The following TENM3 variants were observed in gnomAD, a reference collection of about 807,000 sequenced individuals.
The protein encoded by TENM3 is teneurin-3.
In TENM3, 63 loss-of-function variants were observed where a neutral mutation model predicts 255.1. That is an observed-to-expected ratio of 0.25 (90% CI 0.20 to 0.30). The LOEUF is 0.30. TENM3 is among the 10% of genes least tolerant of loss of function. TENM3 has a pLI of 1.00. For synonymous variants in TENM3, 1,306 were observed against 1,322.3 expected (o/e 0.99, Z 0.27); for missense variants, 2,929 against 3,461.1 (o/e 0.85, Z 3.86).
chr4:182,122,681 AT>A, the TENM3 span, among the ~76,000 whole-genome samples: 3 of 152,142 alleles, frequency 2.0e-5, no homozygotes, highest in Non-Finnish European at 2.9e-5. Flanking sequence ...ATTTAGCATA[AT>A]TTTAAGGGCC....
At chr4:181,635,822 G>A in the TENM3 span, among the ~76,000 whole-genome samples, 3 of 152,176 alleles carry the variant, frequency 2.0e-5, no homozygotes, top group Admixed American at 6.5e-5. Flanking sequence ...ATAGGCTTCT[G>A]GAGGGAGACG....
chr4:181,904,122 C>T, the TENM3 span, among the ~76,000 whole-genome samples: 1 of 152,124 alleles, frequency 6.6e-6, no homozygotes, highest in Admixed American at 6.6e-5. Flanking sequence ...TGATACTCTT[C>T]AGTATCAAGA....
chr4:181,742,098 C>T, the TENM3 span, among the ~76,000 whole-genome samples: 2 of 152,120 alleles, frequency 1.3e-5, no homozygotes. Flanking sequence ...TACTCCACTA[C>T]TGTTTGACCT....
At chr4:181,827,453 A>G in the TENM3 span, among the ~76,000 whole-genome samples, 1 of 152,194 alleles carries the variant, frequency 6.6e-6, no homozygotes, top group African/African-American at 2.4e-5. Context: ...GGAGGAGCCT[A>G]AAAGTAGCTC....
chr4:182,044,128 A>G, the TENM3 span, among the ~76,000 whole-genome samples: 1 of 152,240 alleles, frequency 6.6e-6, no homozygotes, highest in Admixed American at 6.5e-5. Context: ...AAATACACAT[A>G]TAAGGATATA....
the TENM3 span, among the ~76,000 whole-genome samples, chr4:181,805,812 T>A: frequency 6.6e-6 from 1 of 152,232 alleles, no homozygotes; most frequent in South Asian, 2.1e-4. Flanking sequence ...TCACCTTATT[T>A]CCTTTCTCTA....
chr4:181,838,298 G>A, the TENM3 span, among the ~76,000 whole-genome samples: 2 of 152,100 alleles, frequency 1.3e-5, no homozygotes, highest in African/African-American at 2.4e-5. Flanking sequence ...GGATCTTCTC[G>A]CCTACATTCA....
chr4:181,685,442 G>A, the TENM3 span, among the ~76,000 whole-genome samples: 1 of 152,058 alleles, frequency 6.6e-6, no homozygotes, highest in Non-Finnish European at 1.5e-5. Flanking sequence ...ACAAAATGTT[G>A]ATATTATTTT....
the TENM3 span, among the ~76,000 whole-genome samples, chr4:182,022,130 T>C: frequency 2.0e-5 from 3 of 149,970 alleles, no homozygotes; most frequent in African/African-American, 7.4e-5. Context: ...AATAAGAAAA[T>C]CATGGAATCA....
intron 2 of TENM3, among the ~76,000 whole-genome samples, chr4:182,325,233 G>C (rs1047652374): frequency 1.3e-5 from 2 of 152,170 alleles, no homozygotes; most frequent in African/African-American, 4.8e-5. Flanking sequence ...CTAACAGTCT[G>C]ATATTGGGCA....
In TENM3 at chr4:182,784,255, T is replaced by C. The variant is rs558221370; in HGVS notation, c.5305-4838T>C. ...TTGGTGTGGATGTCCTTTCTGTTTG[T>C]TAGTTTTCCTTCTAACAGAGAGGAC... On this transcript the variant is annotated intron_variant, in intron 24 of 27. Transcript: ENST00000511685. Among the ~76,000 whole-genome samples, 740 of 152,180 alleles carry C rather than the reference T, an allele frequency of 4.9e-3. 7 individuals carry two copies. The highest frequency in any genetic ancestry group is 0.017 in the African/African-American group (706 of 41,526).
At chr4:182,248,490 A>G (rs777226263) in intron 1 of TENM3, among the ~76,000 whole-genome samples, 16 of 152,052 alleles carry the variant, frequency 1.1e-4, no homozygotes, top group Non-Finnish European at 1.2e-4. Flanking sequence ...TCTGCTGAAA[A>G]GTGATGACAT....
the TENM3 span, among the ~76,000 whole-genome samples, chr4:181,950,567 G>T: frequency 2.0e-5 from 3 of 151,998 alleles, no homozygotes; most frequent in Admixed American, 6.6e-5. Flanking sequence ...ACTTGGTCTG[G>T]GTCCCTGCTG....
intron 3 of TENM3, among the ~76,000 whole-genome samples, chr4:182,524,230 C>T (rs1202397393): frequency 1.3e-5 from 2 of 151,840 alleles, no homozygotes; most frequent in South Asian, 2.1e-4. Flanking sequence ...ATTATTTTGC[C>T]AAATACTTGA....
At chr4:182,708,467 C>G (rs922072562) in intron 12 of TENM3, among the ~76,000 whole-genome samples, 1 of 152,166 alleles carries the variant, frequency 6.6e-6, no homozygotes, top group Non-Finnish European at 1.5e-5. Flanking sequence ...GTGAATTTTT[C>G]TGGGAAGAGA....
intron 1 of TENM3, among the ~76,000 whole-genome samples, chr4:182,276,652 G>T (rs1030531845): frequency 6.6e-6 from 1 of 152,158 alleles, no homozygotes; most frequent in Non-Finnish European, 1.5e-5. Context: ...TAAATAATGT[G>T]CAGCACTTAA....
chr4:182,141,368 T>C (rs541972662), upstream of TENM3: 2 of 152,382 alleles, frequency 1.3e-5, no homozygotes, highest in Non-Finnish European at 2.9e-5. Flanking sequence ...AAAAGCATGA[T>C]GGTCACGTAG....
chr4:182,570,819 G>A (rs1479171045), intron 3 of TENM3, among the ~76,000 whole-genome samples: 4 of 143,460 alleles, frequency 2.8e-5, no homozygotes, highest in Non-Finnish European at 6.2e-5. Context: ...GACAGTGCGA[G>A]ACTCTGTGTC....
chr4:182,466,496 AT>A (rs972857652), intron 3 of TENM3, among the ~76,000 whole-genome samples: 3 of 151,844 alleles, frequency 2.0e-5, no homozygotes, highest in Admixed American at 6.6e-5. Flanking sequence ...TGCCTGGCTA[AT>A]TTTTTTTATA....
Sources: gnomAD v4.1 joint callset for allele counts (sites outside exome capture counted in the v4.1 genomes callset) on GRCh38, gnomAD v4.1.1 for gene constraint, MANE v1.5 for transcripts, NCBI Gene and HGNC (gene_info 2026-07-23, HGNC 2026-07-21) for gene names.